LUZP2: variants seen among roughly 807,000 people sequenced by gnomAD.
LUZP2 encodes leucine zipper protein 2.
A neutral mutation model predicts 51.6 loss-of-function variants in LUZP2; 52 were observed. The ratio of observed to expected loss-of-function variants is 1.01; its 90% confidence interval spans 0.81 to 1.27. LUZP2 has a LOEUF of 1.27. Ranked by LOEUF, LUZP2 falls within the 50% of genes most tolerant of loss-of-function variation. The pLI is 0.00. For synonymous variants in LUZP2, 154 were observed against 137.3 expected (o/e 1.12, Z -0.85); for missense variants, 436 against 395.4 (o/e 1.10, Z -0.87).
At chr11:24,812,522 C>T (rs1590574016) in intron 5 of LUZP2, among the ~76,000 whole-genome samples, 1 of 152,228 alleles carries the variant, frequency 6.6e-6, no homozygotes, top group Admixed American at 6.5e-5. Flanking sequence ...TCCAGAAGAG[C>T]CACTTAACCT....
chr11:25,010,172 A>C (rs1856941721), intron 9 of LUZP2, among the ~76,000 whole-genome samples: 1 of 152,174 alleles, frequency 6.6e-6, no homozygotes, highest in Non-Finnish European at 1.5e-5. Context: ...CCTTAAATTC[A>C]AGCATATGCT....
chr11:24,636,904 A>C (rs929449677), intron 1 of LUZP2, among the ~76,000 whole-genome samples: 2 of 151,892 alleles, frequency 1.3e-5, no homozygotes, highest in Non-Finnish European at 2.9e-5. Flanking sequence ...AAAATGATAT[A>C]AGCCAATTTT....
At chr11:24,527,972 C>A (rs1360514571) in intron 1 of LUZP2, among the ~76,000 whole-genome samples, 1 of 151,170 alleles carries the variant, frequency 6.6e-6, no homozygotes, top group Non-Finnish European at 1.5e-5. Flanking sequence ...GAGGAAACTG[C>A]AAATTCACAG....
At chr11:25,063,561 T>A (rs761174056) in intron 10 of LUZP2, among the ~76,000 whole-genome samples, 2 of 151,856 alleles carry the variant, frequency 1.3e-5, no homozygotes, top group Admixed American at 6.6e-5. Context: ...AGAAAAATAG[T>A]TTATCATTTT....
intron 9 of LUZP2, among the ~76,000 whole-genome samples, chr11:24,996,978 A>G (rs1362799870): frequency 2.7e-5 from 4 of 150,510 alleles, no homozygotes; most frequent in Non-Finnish European, 5.9e-5. Flanking sequence ...ATAGTATTCC[A>G]TGGTGTATAT....
At chr11:25,069,010 A>G (rs1221278550) in intron 10 of LUZP2, among the ~76,000 whole-genome samples, 2 of 151,968 alleles carry the variant, frequency 1.3e-5, no homozygotes, top group Non-Finnish European at 1.5e-5. Context: ...TCTTTTCTGG[A>G]TAATACAGCT....
At chr11:25,046,063 A>C (rs1858296836) in intron 9 of LUZP2, among the ~76,000 whole-genome samples, 1 of 152,152 alleles carries the variant, frequency 6.6e-6, no homozygotes, top group African/African-American at 2.4e-5. Flanking sequence ...AAATTAACAT[A>C]TCTAACCATT....
intron 5 of LUZP2, among the ~76,000 whole-genome samples, chr11:24,856,812 C>A (rs868284350): frequency 6.6e-6 from 1 of 151,928 alleles, no homozygotes; most frequent in Non-Finnish European, 1.5e-5. Context: ...GAACTAGAGG[C>A]CATTATCTTA....
rs535140082 is a variant in LUZP2, at chr11:24,784,692, T to C, written c.396+21384T>C. Among the ~76,000 whole-genome samples the C allele has an allele frequency of 7.9e-5, 12 of 152,092 alleles. No individual in the cohort carries two copies. In the South Asian group the frequency reaches 2.5e-3, roughly 31 times the overall value. On this transcript the variant is annotated intron_variant, in intron 5 of 11. Coordinates refer to ENST00000336930, the MANE Select transcript of LUZP2 (RefSeq NM_001009909.4). ...TGAGTCCTCCAGTAAAACAAGGCAA[T>C]AGTGAATTGGTGACAATATGAAAGG...
At chr11:24,688,402 C>T (rs990554996) in intron 1 of LUZP2, among the ~76,000 whole-genome samples, 1 of 152,026 alleles carries the variant, frequency 6.6e-6, no homozygotes, top group African/African-American at 2.4e-5. Flanking sequence ...GGGGAACTAC[C>T]GTGAGAAAGT....
chr11:24,941,548 C>A (rs952304572), intron 7 of LUZP2, among the ~76,000 whole-genome samples: 1 of 152,070 alleles, frequency 6.6e-6, no homozygotes, highest in Non-Finnish European at 1.5e-5. Context: ...GGAAACAATT[C>A]AAATATAACA....
At chr11:24,944,702 G>A (rs902572929) in intron 7 of LUZP2, among the ~76,000 whole-genome samples, 1 of 152,162 alleles carries the variant, frequency 6.6e-6, no homozygotes, top group Non-Finnish European at 1.5e-5. Flanking sequence ...AGCAGATGGA[G>A]TAGCATGGTC....
chr11:24,906,324 A>G (rs1351270756), intron 6 of LUZP2, among the ~76,000 whole-genome samples: 1 of 150,606 alleles, frequency 6.6e-6, no homozygotes, highest in East Asian at 1.9e-4. Flanking sequence ...CTGGACTATC[A>G]GAACTTCCTT....
intron 1 of LUZP2, among the ~76,000 whole-genome samples, chr11:24,716,113 TAAA>T (rs1245907823): frequency 6.6e-6 from 1 of 152,088 alleles, no homozygotes; most frequent in East Asian, 1.9e-4. Context: ...TGTTTAAAAA[TAAA>T]AAATAAAATG....
chr11:24,599,444 C>T (rs967100), intron 1 of LUZP2, among the ~76,000 whole-genome samples: 137,240 of 152,104 alleles, frequency 0.9, 63,323 homozygotes, highest in Non-Finnish European at 0.99. Flanking sequence ...GCCAATTCAA[C>T]TGTCAGAAAA....
chr11:24,939,004 A>G lies in LUZP2; in HGVS notation c.522+24466A>G, dbSNP rs192384193. On this transcript the variant is annotated intron_variant, in intron 7 of 11. Transcript: ENST00000336930. ...AGGTGCTGAGTCTAATGGTCTAGCC[A>G]CACTTTAAATTGGAAGGCCTAGCAA... 2.1e-3 allele frequency among the ~76,000 whole-genome samples: 325 copies of G among 152,256 alleles called. 1 individual carries two copies. Among genetic ancestry groups the G allele is most frequent in the African/African-American group, 7.3e-3 (305 of 41,562 alleles).
intron 5 of LUZP2, among the ~76,000 whole-genome samples, chr11:24,846,020 T>C (rs917648331): frequency 6.6e-6 from 1 of 152,110 alleles, no homozygotes; most frequent in African/African-American, 2.4e-5. Flanking sequence ...ATTTTTATGG[T>C]AAGTTATCAG....
chr11:24,561,711 T>C (rs1452580053), intron 1 of LUZP2, among the ~76,000 whole-genome samples: 1 of 151,712 alleles, frequency 6.6e-6, no homozygotes, highest in Non-Finnish European at 1.5e-5. Context: ...TTAGGAGAAA[T>C]ACCTAATGCA....
At chr11:24,696,014 A>G (rs1857237286) in intron 1 of LUZP2, among the ~76,000 whole-genome samples, 2 of 152,110 alleles carry the variant, frequency 1.3e-5, no homozygotes, top group South Asian at 4.1e-4. Flanking sequence ...TGTGGGTTCA[A>G]CAGAAACAGA....
Sources: allele counts gnomAD v4.1 joint callset (sites outside exome capture counted in the v4.1 genomes callset), GRCh38; gene constraint gnomAD v4.1.1; transcripts MANE v1.5; gene names NCBI Gene and HGNC (gene_info 2026-07-23, HGNC 2026-07-21).